Variants in CASR observed in about 807,000 individuals in gnomAD.
The protein encoded by CASR is extracellular calcium-sensing receptor.
A neutral mutation model predicts 69.1 loss-of-function variants in CASR; 23 were observed. That is an observed-to-expected ratio of 0.33 (90% CI 0.24 to 0.47). The LOEUF is 0.47. Ranked by LOEUF, CASR falls within the 20% of genes least tolerant of loss-of-function variation. The probability of loss-of-function intolerance (pLI) is 1.00; values close to 1 mark genes in which losing one functional copy is unlikely to be tolerated. For missense variants in CASR, 924 were observed against 1,356.1 expected (o/e 0.68, Z 5.00); for synonymous variants, 541 against 544.7 (o/e 0.99, Z 0.10).
At chr3:122,217,764 G>A (rs1354204391) in intron 1 of CASR, among the ~76,000 whole-genome samples, 1 of 152,154 alleles carries the variant, frequency 6.6e-6, no homozygotes, top group Non-Finnish European at 1.5e-5. Context: ...CATTCTGATA[G>A]TGGTTGAAAG....
At chr3:122,254,660 T>C (rs546774776) in intron 2 of CASR, among the ~76,000 whole-genome samples, 1 of 152,276 alleles carries the variant, frequency 6.6e-6, no homozygotes, top group East Asian at 1.9e-4. Flanking sequence ...CTGGCAGCAG[T>C]GTTGCTTAAT....
chr3:122,198,749 C>T (rs1033487461), intron 1 of CASR, among the ~76,000 whole-genome samples: 5 of 151,620 alleles, frequency 3.3e-5, no homozygotes, highest in Non-Finnish European at 7.4e-5. Context: ...TAACATTTTA[C>T]TATGAAATTA....
chr3:122,282,739 G>T (rs1205714410), intron 6 of CASR, among the ~76,000 whole-genome samples: 1 of 152,182 alleles, frequency 6.6e-6, no homozygotes, highest in African/African-American at 2.4e-5. Context: ...ATAAATATTT[G>T]TTAAATAAAA....
At chr3:122,232,967 T>C (rs1018250151) in intron 1 of CASR, among the ~76,000 whole-genome samples, 2 of 152,182 alleles carry the variant, frequency 1.3e-5, no homozygotes, top group Non-Finnish European at 2.9e-5. Flanking sequence ...TCCACAATCA[T>C]GTCTGAACAC....
intron 1 of CASR, among the ~76,000 whole-genome samples, chr3:122,207,809 C>G (rs1576822800): frequency 6.6e-6 from 1 of 152,024 alleles, no homozygotes; most frequent in Admixed American, 6.6e-5. Flanking sequence ...AAACTTCATT[C>G]CTAAGAATAA....
intron 1 of CASR, among the ~76,000 whole-genome samples, chr3:122,243,803 C>CA (rs1170963851): frequency 6.6e-6 from 1 of 150,388 alleles, no homozygotes; most frequent in Non-Finnish European, 1.5e-5. Context: ...TGAATGGATA[C>CA]AAAAAATGTG....
At chr3:122,280,348 C>A (rs2074873995) in intron 5 of CASR, among the ~76,000 whole-genome samples, 1 of 152,162 alleles carries the variant, frequency 6.6e-6, no homozygotes. Context: ...ATTGGAAGTT[C>A]TGGCCAGGGC....
chr3:122,268,037 T>A (rs1412417695), intron 4 of CASR, among the ~76,000 whole-genome samples: 2 of 152,234 alleles, frequency 1.3e-5, no homozygotes, highest in East Asian at 3.8e-4. Context: ...GGTAGTATAG[T>A]GTAATGGTTA....
At chr3:122,223,963 G>A (rs2074198359) in intron 1 of CASR, among the ~76,000 whole-genome samples, 1 of 152,156 alleles carries the variant, frequency 6.6e-6, no homozygotes, top group African/African-American at 2.4e-5. Context: ...AATAGATGCA[G>A]AAAAGACTTT....
At chr3:122,272,618 C>T (rs898050040) in intron 4 of CASR, among the ~76,000 whole-genome samples, 4 of 152,200 alleles carry the variant, frequency 2.6e-5, no homozygotes, top group Admixed American at 6.5e-5. Flanking sequence ...TATATTTTAT[C>T]TTGCACTGTT....
intron 1 of CASR, among the ~76,000 whole-genome samples, chr3:122,202,455 A>AAAGAGAGGGAGAGGGAGACCG (rs1478571876): frequency 5.5e-4 from 79 of 144,750 alleles, no homozygotes; most frequent in Non-Finnish European, 9.7e-4. Context: ...GAGGGAGACC[A>AAAGAGAGGGAGAGGGAGACCG]TGGGGAGAGG....
At chr3:122,278,004 C>G (rs1320226256) in intron 5 of CASR, among the ~76,000 whole-genome samples, 1 of 152,148 alleles carries the variant, frequency 6.6e-6, no homozygotes, top group Non-Finnish European at 1.5e-5. Flanking sequence ...GGATACTCAA[C>G]AAATCTTAGG....
At chr3:122,261,064 T>A (rs970108485) in intron 3 of CASR, among the ~76,000 whole-genome samples, 1 of 152,148 alleles carries the variant, frequency 6.6e-6, no homozygotes, top group Non-Finnish European at 1.5e-5. Context: ...ATGAACAAAG[T>A]GTTTATTGCA....
In CASR at chr3:122,284,806, C is replaced by T; in HGVS notation, c.2852C>T (p.Pro951Leu). The change falls in exon 7 of 7, where the codon CCA becomes CTA. Residue 951 changes from proline to leucine, a missense_variant. Coordinates refer to ENST00000639785, the MANE Select transcript of CASR (RefSeq NM_000388.4). Reference protein sequence around the residue: ...QEQQQQPLTLPQQQRSQQQPR... With the variant: ...QEQQQQPLTLLQQQRSQQQPR... ...CAGCAGCAGCAGCCCCTGACCCTCC[C>T]ACAGCAGCAACGATCTCAGCAGCAG... 1 of 1,614,166 alleles carries T rather than the reference C, an allele frequency of 6.2e-7. No homozygotes were observed. The highest frequency in any genetic ancestry group is 1.1e-5 in the South Asian group (1 of 91,078).
intron 1 of CASR, among the ~76,000 whole-genome samples, chr3:122,196,564 G>T (rs571021372): frequency 4.6e-5 from 7 of 151,928 alleles, no homozygotes; most frequent in East Asian, 1.9e-4. Context: ...TTGAGGCAAG[G>T]TCTCGCTCTG....
intron 1 of CASR, among the ~76,000 whole-genome samples, chr3:122,190,854 G>A (rs1206931844): frequency 6.6e-6 from 1 of 152,216 alleles, no homozygotes; most frequent in Non-Finnish European, 1.5e-5. Flanking sequence ...TAAGGCGGCT[G>A]AGCAGGGAAG....
intron 1 of CASR, among the ~76,000 whole-genome samples, chr3:122,185,418 A>G (rs955757070): frequency 4.6e-5 from 7 of 152,186 alleles, no homozygotes; most frequent in African/African-American, 1.7e-4. Context: ...CAGGGTAGGG[A>G]GCCTACTAAC....
At position 122,283,897 on chromosome 3, in the gene CASR, G is replaced by A. The variant is rs757736220; in HGVS notation, c.1943G>A (p.Arg648Gln). The change falls in exon 7 of 7, where the codon CGA becomes CAA. Residue 648 changes from arginine (R) to glutamine (Q), a missense_variant. Transcript: ENST00000639785. ...RNTPIVKATN[R>Q]ELSYLLLFSL... ...ACACCCATTGTCAAGGCCACCAACCGAGAGCTCTCCTACCTCCTCCTCTTC... is the reference window on the plus strand; with the variant it reads ...ACACCCATTGTCAAGGCCACCAACCAAGAGCTCTCCTACCTCCTCCTCTTC... 10 of 1,613,478 alleles carry A rather than the reference G, an allele frequency of 6.2e-6. No homozygotes were observed. The highest frequency in any genetic ancestry group is 1.6e-4 in the Middle Eastern group (1 of 6,084).
chr3:122,220,056 G>A (rs1501892), intron 1 of CASR, among the ~76,000 whole-genome samples: 109,225 of 152,138 alleles, frequency 0.72, 39,495 homozygotes, highest in Admixed American at 0.82. Context: ...TGTCTACTGC[G>A]ATGAGCGTGT....
Sources: gnomAD v4.1 joint callset for allele counts (sites outside exome capture counted in the v4.1 genomes callset) on GRCh38, gnomAD v4.1.1 for gene constraint, MANE v1.5 for transcripts, NCBI Gene and HGNC (gene_info 2026-07-23, HGNC 2026-07-21) for gene names.